RPS6KC1: variants seen among roughly 807,000 people sequenced by gnomAD.
RPS6KC1 encodes the protein ribosomal protein S6 kinase C1, also known as inactive ribosomal protein S6 kinase delta-1.
A neutral mutation model predicts 103.8 loss-of-function variants in RPS6KC1; 54 were observed. The observed-to-expected ratio is 0.52, with a 90% CI of 0.42 to 0.65. RPS6KC1 has a LOEUF of 0.65. Among genes scored for constraint, RPS6KC1 ranks in the 30% least tolerant of loss-of-function variants. The probability of loss-of-function intolerance (pLI) is 0.00; values close to 1 mark genes in which losing one functional copy is unlikely to be tolerated. For synonymous variants in RPS6KC1, 439 were observed against 438.7 expected, an observed-to-expected ratio of 1.00 and a Z score of -0.01; for missense variants, 1,151 against 1,253.8, an observed-to-expected ratio of 0.92 and a Z score of 1.24.
the RPS6KC1 span, among the ~76,000 whole-genome samples, chr1:213,860,904 G>A: frequency 6.6e-6 from 1 of 151,968 alleles, no homozygotes; most frequent in Non-Finnish European, 1.5e-5. Flanking sequence ...TGCCTCCTGG[G>A]TTCAAGCGAT....
the RPS6KC1 span, among the ~76,000 whole-genome samples, chr1:213,332,566 T>C: frequency 6.6e-6 from 1 of 152,188 alleles, no homozygotes; most frequent in African/African-American, 2.4e-5. Context: ...AGGAAGAGTC[T>C]CATTAGTTAA....
At chr1:213,294,142 A>T in the RPS6KC1 span, among the ~76,000 whole-genome samples, 3 of 152,332 alleles carry the variant, frequency 2.0e-5, no homozygotes, top group South Asian at 4.1e-4. Flanking sequence ...GAAGAAGGGC[A>T]ACATTTTTAT....
chr1:213,571,124 C>T, the RPS6KC1 span, among the ~76,000 whole-genome samples: 1 of 152,110 alleles, frequency 6.6e-6, no homozygotes, highest in African/African-American at 2.4e-5. Flanking sequence ...CAGATGTGGC[C>T]TTTGTAGACA....
Position 213,240,872 on chromosome 1 carries a change from A to G in RPS6KC1, c.1396A>G (p.Met466Val). ...ATCCAGAGGAAGTGATGGTGGAAGC[A>G]TGCTTAAAGCTCTGCCTTTGAAGAG... is the stretch of plus-strand genomic sequence containing the variant. ...FESRGSDGGSMLKALPLKSSL... is the reference protein window; with the variant it reads ...FESRGSDGGSVLKALPLKSSL... The change falls in exon 11 of 15, where the codon ATG becomes GTG. Residue 466 changes from methionine (M) to valine (V), a missense_variant. By Grantham distance (21) the Met-to-Val change is conservative (BLOSUM62 1). This residue lies in a region of RPS6KC1 where 959 missense variants were observed against 1,006.3 expected (regional missense o/e 0.95). Transcript: ENST00000366960. The G allele has an allele frequency of 1.9e-6, 3 of 1,613,942 alleles. No homozygotes were observed. The highest frequency in any genetic ancestry group is 2.5e-6 in the Non-Finnish European group (3 of 1,179,906).
chr1:213,592,505 C>T, the RPS6KC1 span, among the ~76,000 whole-genome samples: 1 of 152,068 alleles, frequency 6.6e-6, no homozygotes, highest in African/African-American at 2.4e-5. Flanking sequence ...GTACTTTTGC[C>T]CTTTCTAGGG....
the RPS6KC1 span, among the ~76,000 whole-genome samples, chr1:213,528,378 C>A: frequency 6.6e-6 from 1 of 152,026 alleles, no homozygotes; most frequent in Non-Finnish European, 1.5e-5. Context: ...AGGTAACCAC[C>A]CCCATGATTC....
chr1:213,843,123 T>A, the RPS6KC1 span, among the ~76,000 whole-genome samples: 1 of 152,210 alleles, frequency 6.6e-6, no homozygotes, highest in Admixed American at 6.5e-5. Context: ...CTAGACAGAA[T>A]TGCATTTTCT....
chr1:213,737,595 GTT>G, the RPS6KC1 span, among the ~76,000 whole-genome samples: 1 of 152,206 alleles, frequency 6.6e-6, no homozygotes, highest in East Asian at 1.9e-4. Flanking sequence ...CGTAGACAGA[GTT>G]CATAAGCACA....
intron 8 of RPS6KC1, among the ~76,000 whole-genome samples, chr1:213,222,710 G>A (rs768735150): frequency 4.6e-5 from 7 of 152,088 alleles, no homozygotes; most frequent in Non-Finnish European, 2.9e-5. Context: ...ATAAGGTGTG[G>A]AATTAAGAGT....
At chr1:213,844,703 T>C in the RPS6KC1 span, among the ~76,000 whole-genome samples, 1 of 152,190 alleles carries the variant, frequency 6.6e-6, no homozygotes, top group Non-Finnish European at 1.5e-5. Context: ...ATGATGCATT[T>C]ATAAGGTATC....
the RPS6KC1 span, among the ~76,000 whole-genome samples, chr1:213,558,306 C>T: frequency 6.6e-6 from 1 of 152,178 alleles, no homozygotes; most frequent in Non-Finnish European, 1.5e-5. Flanking sequence ...ACCACAAACC[C>T]CTGCTCACGC....
At chr1:213,200,024 A>G (rs1029934389) in intron 8 of RPS6KC1, among the ~76,000 whole-genome samples, 1 of 152,236 alleles carries the variant, frequency 6.6e-6, no homozygotes, top group Non-Finnish European at 1.5e-5. Context: ...ATGCTCATGG[A>G]TAGGAAGAAT....
the RPS6KC1 span, among the ~76,000 whole-genome samples, chr1:213,553,773 A>G: frequency 6.6e-6 from 1 of 152,074 alleles, no homozygotes; most frequent in Non-Finnish European, 1.5e-5. Context: ...GCATTTACCT[A>G]ATGATTAGTG....
At chr1:213,109,360 A>G (rs2082794570) in intron 4 of RPS6KC1, among the ~76,000 whole-genome samples, 1 of 151,450 alleles carries the variant, frequency 6.6e-6, no homozygotes, top group Non-Finnish European at 1.5e-5. Context: ...GATGGTCTCA[A>G]TCTCCTGACC....
intron 6 of RPS6KC1, among the ~76,000 whole-genome samples, chr1:213,148,766 T>G (rs12031514): frequency 6.6e-6 from 1 of 152,150 alleles, no homozygotes; most frequent in South Asian, 2.1e-4. Flanking sequence ...ATTTCTTCCT[T>G]AAATTTTTGG....
chr1:213,248,254 T>A (rs898905735), intron 12 of RPS6KC1, among the ~76,000 whole-genome samples: 1 of 152,082 alleles, frequency 6.6e-6, no homozygotes, highest in Non-Finnish European at 1.5e-5. Context: ...TAGGAATAAT[T>A]TTGAGTAAAA....
At chr1:213,219,942 G>C (rs569006035) in intron 8 of RPS6KC1, among the ~76,000 whole-genome samples, 146 of 152,070 alleles carry the variant, frequency 9.6e-4, no homozygotes, top group African/African-American at 3.4e-3. Context: ...CCCCAACATG[G>C]CACATGTATA....
chr1:213,203,297 C>T (rs1306257848), intron 8 of RPS6KC1, among the ~76,000 whole-genome samples: 5 of 152,026 alleles, frequency 3.3e-5, no homozygotes, highest in African/African-American at 4.8e-5. Flanking sequence ...CAAAAAGTTT[C>T]CGATTTTGGA....
chr1:213,110,149 T>C (rs2082885463), intron 4 of RPS6KC1, among the ~76,000 whole-genome samples: 1 of 152,216 alleles, frequency 6.6e-6, no homozygotes, highest in South Asian at 2.1e-4. Flanking sequence ...CTTGATAATA[T>C]GAACATATTT....
Sources: gnomAD v4.1 joint callset for allele counts (sites outside exome capture counted in the v4.1 genomes callset) on GRCh38, gnomAD v4.1.1 for gene constraint, gnomAD v4.1.1 regional missense constraint, MANE v1.5 for transcripts, NCBI Gene and HGNC (gene_info 2026-07-23, HGNC 2026-07-21) for gene names.